Variants in BCHE observed in about 807,000 individuals in gnomAD.
The protein encoded by BCHE is cholinesterase.
Under a neutral mutation model 51.3 loss-of-function variants are expected in BCHE, and 48 were observed. The observed-to-expected ratio is 0.94, with a 90% CI of 0.74 to 1.19. The LOEUF (loss-of-function observed/expected upper bound fraction) is 1.19. Among genes scored for constraint, BCHE ranks in the 50% most tolerant of loss-of-function variants. The probability of loss-of-function intolerance (pLI) is 0.00; values close to 1 mark genes in which losing one functional copy is unlikely to be tolerated. For synonymous variants in BCHE, 251 were observed against 238.0 expected, an observed-to-expected ratio of 1.05 and a Z score of -0.50; for missense variants, 847 against 708.2, an observed-to-expected ratio of 1.20 and a Z score of -2.23.
intron 2 of BCHE, among the ~76,000 whole-genome samples, chr3:165,790,974 G>A (rs946897856): frequency 4.6e-5 from 7 of 152,148 alleles, no homozygotes; most frequent in Non-Finnish European, 8.8e-5. Flanking sequence ...CAGAGTAAGA[G>A]AGGGAAGAAT....
chr3:165,829,200 A>G (rs1714851575), intron 2 of BCHE, among the ~76,000 whole-genome samples: 2 of 152,144 alleles, frequency 1.3e-5, no homozygotes, highest in African/African-American at 4.8e-5. Context: ...AAGTATTCTC[A>G]CATTAATTTT....
chr3:165,782,059 T>G (rs951766496), intron 3 of BCHE, among the ~76,000 whole-genome samples: 2 of 152,102 alleles, frequency 1.3e-5, no homozygotes, highest in Admixed American at 6.6e-5. Flanking sequence ...AGCATATTAA[T>G]AGGACATAAA....
At chr3:165,809,101 T>A (rs1398385117) in intron 2 of BCHE, among the ~76,000 whole-genome samples, 1 of 152,186 alleles carries the variant, frequency 6.6e-6, no homozygotes, top group Non-Finnish European at 1.5e-5. Context: ...CCATATGTAT[T>A]TCTCAAAATA....
At chr3:165,835,546 T>G (rs4680665) in intron 1 of BCHE, among the ~76,000 whole-genome samples, 119,925 of 151,710 alleles carry the variant, frequency 0.79, 47,609 homozygotes, top group Admixed American at 0.84. Flanking sequence ...TAGAACAAGC[T>G]CTCTTAAATG....
At chr3:165,775,193 A>G (rs1712416070) in intron 3 of BCHE, among the ~76,000 whole-genome samples, 1 of 152,112 alleles carries the variant, frequency 6.6e-6, no homozygotes, top group Admixed American at 6.5e-5. Flanking sequence ...TAGTACAAAA[A>G]TAAAAATATT....
intron 1 of BCHE, among the ~76,000 whole-genome samples, chr3:165,836,243 C>A (rs1715184963): frequency 6.6e-6 from 1 of 151,824 alleles, no homozygotes; most frequent in South Asian, 2.1e-4. Flanking sequence ...AGAGAAAATT[C>A]TGAAGATTTT....
chr3:165,809,109 ATAT>A (rs1409179751), intron 2 of BCHE, among the ~76,000 whole-genome samples: 1 of 152,094 alleles, frequency 6.6e-6, no homozygotes, highest in African/African-American at 2.4e-5. Flanking sequence ...ATTTCTCAAA[ATAT>A]TATTAAATTT....
chr3:165,825,923 G>A (rs1329823346), intron 2 of BCHE, among the ~76,000 whole-genome samples: 1 of 152,150 alleles, frequency 6.6e-6, no homozygotes, highest in East Asian at 1.9e-4. Flanking sequence ...CCATCAGATA[G>A]AAACAAAGCA....
chr3:165,808,083 A>G (rs1217828044), intron 2 of BCHE, among the ~76,000 whole-genome samples: 1 of 151,980 alleles, frequency 6.6e-6, no homozygotes, highest in Non-Finnish European at 1.5e-5. Flanking sequence ...TCAAGAGTTC[A>G]CGCCATTCTC....
At chr3:165,813,659 G>A (rs897558398) in intron 2 of BCHE, among the ~76,000 whole-genome samples, 3 of 151,702 alleles carry the variant, frequency 2.0e-5, no homozygotes, top group East Asian at 1.9e-4. Context: ...AAAAATAAAC[G>A]TATGAGTTAA....
rs368982418 is a variant in BCHE at position 165,825,365 on chromosome 3, A to G, written c.1517+4152T>C. On this transcript the variant is annotated intron_variant, in intron 2 of 3. Transcript: ENST00000264381. ...ATAATATTATGAATCAAAAGTAAAA[A>G]GCTAAAACCATAAAGCAAGAAGAAA... 3.0e-4 allele frequency among the ~76,000 whole-genome samples: 46 copies of G among 152,132 alleles called. No homozygotes were observed. The South Asian group carries it at 9.5e-3, about 32-fold the overall frequency.
At chr3:165,825,271 A>G (rs1714676648) in intron 2 of BCHE, among the ~76,000 whole-genome samples, 1 of 152,108 alleles carries the variant, frequency 6.6e-6, no homozygotes, top group Non-Finnish European at 1.5e-5. Context: ...GTGATGTAGT[A>G]TCTGAATATT....
chr3:165,786,269 G>A lies in BCHE; in HGVS notation c.1560C>T (p.Val520=), dbSNP rs533603961. 28 of 1,611,948 alleles carry A rather than the reference G, an allele frequency of 1.7e-5. 1 individual carries two copies. The South Asian group carries it at 2.6e-4, about 15-fold the overall frequency. ...GATATTTTTGTTCAGTGCTTTTGAAGACAGGCCAGCTTGTGCTATTGTTCT... is the reference window on the plus strand; with the variant it reads ...GATATTTTTGTTCAGTGCTTTTGAAAACAGGCCAGCTTGTGCTATTGTTCT... ...ETQNNSTSWP[V]FKSTEQKYLT... is the part of the protein sequence containing the mutation. The change falls in exon 3 of 4, where the codon GTC becomes GTT. Residue 520 remains valine, a synonymous_variant. Coordinates refer to ENST00000264381, the MANE Select transcript of BCHE (RefSeq NM_000055.4).
chr3:165,799,816 A>C (rs1713568774), intron 2 of BCHE, among the ~76,000 whole-genome samples: 2 of 152,110 alleles, frequency 1.3e-5, no homozygotes, highest in Admixed American at 6.5e-5. Context: ...TAACCAAAAT[A>C]ATTTCAAATC....
intron 2 of BCHE, among the ~76,000 whole-genome samples, chr3:165,803,804 G>A (rs1007885868): frequency 1.3e-5 from 2 of 152,066 alleles, no homozygotes; most frequent in Non-Finnish European, 2.9e-5. Flanking sequence ...TATAAAGTTT[G>A]AAATGCATAT....
chr3:165,810,735 C>A (rs1714062299), intron 2 of BCHE, among the ~76,000 whole-genome samples: 1 of 152,126 alleles, frequency 6.6e-6, no homozygotes, highest in African/African-American at 2.4e-5. Context: ...TCAACATTGG[C>A]TTCCTTAGCA....
chr3:165,780,896 C>T (rs945827908), intron 3 of BCHE, among the ~76,000 whole-genome samples: 4 of 152,100 alleles, frequency 2.6e-5, no homozygotes, highest in Admixed American at 6.6e-5. Context: ...TTTGACCCAG[C>T]AATCCCATTA....
At chr3:165,827,111 T>C (rs1378578761) in intron 2 of BCHE, among the ~76,000 whole-genome samples, 1 of 152,164 alleles carries the variant, frequency 6.6e-6, no homozygotes, top group African/African-American at 2.4e-5. Flanking sequence ...ATCAACTTTG[T>C]TTCCACTGCC....
chr3:165,796,290 G>T (rs532896460), intron 2 of BCHE, among the ~76,000 whole-genome samples: 1 of 152,192 alleles, frequency 6.6e-6, no homozygotes, highest in Admixed American at 6.5e-5. Flanking sequence ...TTATCAAAGT[G>T]GATGCCTCAT....
Sources: allele counts gnomAD v4.1 joint callset (sites outside exome capture counted in the v4.1 genomes callset), GRCh38; gene constraint gnomAD v4.1.1; transcripts MANE v1.5; gene names NCBI Gene and HGNC (gene_info 2026-07-23, HGNC 2026-07-21).